Variants in PGD observed in about 807,000 individuals in gnomAD.
PGD encodes the protein 6-phosphogluconate dehydrogenase, decarboxylating.
PGD carries 21 observed loss-of-function variants against 60.4 expected under a neutral mutation model. The ratio of observed to expected loss-of-function variants is 0.35; its 90% CI spans 0.25 to 0.50. The LOEUF is 0.50. PGD is among the 20% of genes least tolerant of loss of function. The pLI is 0.98. For synonymous variants in PGD, 230 were observed against 235.9 expected, an observed-to-expected ratio of 0.97 and a Z score of 0.23; for missense variants, 477 against 613.1, an observed-to-expected ratio of 0.78 and a Z score of 2.34.
intron 8 of PGD, among the ~76,000 whole-genome samples, chr1:10,415,624 T>G (rs1450121748): frequency 6.6e-6 from 1 of 152,214 alleles, no homozygotes; most frequent in African/African-American, 2.4e-5. Context: ...GTGTGTGCAT[T>G]TGGGCCAGGA....
At position 10,419,847 on chromosome 1, in the gene PGD, G is replaced by GT; in HGVS notation, c.*104dup. ...GGCCCTTTGCCCTATTTTCTGTTCA[G>GT]TTTTTTAAAAGTGTTGTAAGAGACT... On this transcript the variant is annotated 3_prime_UTR_variant, in exon 13 of 13. Coordinates refer to ENST00000270776, the MANE Select transcript of PGD (RefSeq NM_002631.4). The GT allele has an allele frequency of 6.9e-7, 1 of 1,446,914 alleles. No individual in the cohort carries two copies. The highest frequency in any genetic ancestry group is 9.5e-7 in the Non-Finnish European group (1 of 1,055,694). 89.6% of individuals were successfully genotyped at this position (1,446,914 alleles called of 1,614,324 possible).
At position 10,419,861 on chromosome 1, in the gene PGD, T is replaced by C. The variant is rs1474527063; in HGVS notation, c.*112T>C. The stretch of plus-strand genomic sequence containing the variant: ...TTTTCTGTTCAGTTTTTTAAAAGTG[T>C]TGTAAGAGACTCCTGAGGAAGACAC... On this transcript the variant is annotated 3_prime_UTR_variant, in exon 13 of 13. Transcript: ENST00000270776. The C allele has an allele frequency of 1.6e-6, 2 of 1,285,380 alleles. No homozygotes were observed. The highest frequency in any genetic ancestry group is 1.1e-6 in the Non-Finnish European group (1 of 915,304). The allele number at this position is 1,285,380 out of a possible 1,614,324, so 79.6% of individuals were successfully genotyped here. A position where few individuals can be genotyped will look rare whatever the true frequency, so the allele number is the denominator to read the frequency against.
At chr1:10,409,588 A>C (rs1197301697) in intron 6 of PGD, among the ~76,000 whole-genome samples, 3 of 148,688 alleles carry the variant, frequency 2.0e-5, no homozygotes, top group Non-Finnish European at 4.5e-5. Flanking sequence ...ACAGAGAGAG[A>C]CCCTGTCTCT....
rs1639530728 is a variant in PGD at position 10,413,254 on chromosome 1, A to AAT, written c.844+4_844+5dup. On this transcript the variant is annotated splice_donor_region_variant and intron_variant, in intron 8 of 12. Transcript: ENST00000270776. Reference sequence around the variant, plus strand: ...CGGCGTACCCGTCACCCTCATTGGTAATGTTATGCTTTTCACATGGGCCCT... The same window carrying AAT: ...CGGCGTACCCGTCACCCTCATTGGTAATATGTTATGCTTTTCACATGGGCCCT... The AAT allele has an allele frequency of 1.2e-6, 2 of 1,612,144 alleles. No individual in the cohort carries two copies. Among genetic ancestry groups the AAT allele is most frequent in the Non-Finnish European group, 1.7e-6 (2 of 1,178,344 alleles).
intron 5 of PGD, 112 bp from the exon 6 acceptor site, chr1:10,407,959 A>AG: frequency 2.7e-6 from 2 of 728,324 alleles, no homozygotes; most frequent in African/African-American, 1.8e-5. Flanking sequence ...AAAAAAAAAA[A>AG]AAAAGAAAGG....
chr1:10,419,472 G>A lies in PGD; in HGVS notation c.1265G>A (p.Cys422Tyr), dbSNP rs756313792. 6.2e-7 allele frequency: 1 copy of A among 1,614,144 alleles called. No individual in the cohort carries two copies. ...GTCCAGGCTGGCATTCCCATGCCCTGTTTTACCACTGCCCTCTCCTTCTAT... is the reference window on the plus strand; with the variant it reads ...GTCCAGGCTGGCATTCCCATGCCCTATTTTACCACTGCCCTCTCCTTCTAT... The part of the protein sequence containing the change: ...TGVQAGIPMP[C>Y]FTTALSFYDG... Residue 422 changes from cysteine to tyrosine, a missense_variant, in exon 12 of 13, where the codon TGT (cysteine) becomes TAT (tyrosine). Physicochemically the swap from Cys to Tyr is radical, Grantham distance 194. Around this residue, in one of 3 missense-constraint regions of PGD, gnomAD observed 431 missense variants for 556.6 expected, o/e 0.77. Transcript: ENST00000270776.
In PGD at chr1:10,408,257, T is replaced by C. The variant is rs1021853698; in HGVS notation, c.519+117T>C. 8.4e-6 allele frequency: 6 copies of C among 710,136 alleles called. No individual in the cohort carries two copies. The African/African-American group carries it at 1.1e-4, about 12-fold the overall frequency. 44.0% of individuals were successfully genotyped at this position (710,136 alleles called of 1,614,324 possible). A position where few individuals can be genotyped will look rare whatever the true frequency, so the allele number is the denominator to read the frequency against. On this transcript the variant is annotated intron_variant, in intron 6 of 12. Transcript: ENST00000270776. Reference sequence around the variant, plus strand: ...GGGTTAGCTTGGTGACATAAACGTCTCGATCTTTGATTGCTAGAATAGCCA... The same window carrying C: ...GGGTTAGCTTGGTGACATAAACGTCCCGATCTTTGATTGCTAGAATAGCCA...
intron 4 of PGD, 56 bp from the exon 5 acceptor site, chr1:10,404,105 A>C (rs905432810): frequency 2.4e-6 from 3 of 1,233,122 alleles, no homozygotes; most frequent in Non-Finnish European, 3.5e-6. Context: ...GCATAATGAA[A>C]CATGGAAGCA....
At chr1:10,411,608 C>T (rs1021647580) in intron 7 of PGD, 56 bp downstream of exon 7, 21 of 1,604,152 alleles carry the variant, frequency 1.3e-5, no homozygotes, top group Admixed American at 3.3e-5. Context: ...CACTTTGCCA[C>T]AGACACCGAA....
chr1:10,413,666 G>A (rs1052803253), intron 8 of PGD, among the ~76,000 whole-genome samples: 2 of 152,160 alleles, frequency 1.3e-5, no homozygotes, highest in Admixed American at 6.6e-5. Context: ...AGCACTTTGG[G>A]AGGCCGAGGC....
intron 4 of PGD, among the ~76,000 whole-genome samples, chr1:10,403,410 C>G (rs111782199): frequency 6.6e-6 from 1 of 151,540 alleles, no homozygotes; most frequent in Non-Finnish European, 1.5e-5. Flanking sequence ...GCTAACATGG[C>G]GAAAACCCGT....
intron 5 of PGD, among the ~76,000 whole-genome samples, chr1:10,404,885 A>T (rs142082081): frequency 2.0e-5 from 3 of 152,164 alleles, no homozygotes; most frequent in African/African-American, 7.2e-5. Flanking sequence ...TTTAGCTGAT[A>T]TATAACCCAA....
chr1:10,403,034 A>G (rs1639340828), intron 3 of PGD, 37 bp from the exon 4 acceptor site: 4 of 1,347,022 alleles, frequency 3.0e-6, no homozygotes, highest in Non-Finnish European at 4.3e-6. Context: ...GGTATGTTTC[A>G]TTTTTGGTCC....
At chr1:10,416,958 T>C (rs761543739) in intron 8 of PGD, 29 bp from the exon 9 acceptor site, 1 of 1,609,558 alleles carries the variant, frequency 6.2e-7, no homozygotes, top group African/African-American at 1.3e-5. Context: ...GACAGTAATC[T>C]GTTTCCTCTT....
chr1:10,411,202 G>A (rs1465067804), intron 6 of PGD, among the ~76,000 whole-genome samples: 3 of 152,174 alleles, frequency 2.0e-5, no homozygotes, highest in Non-Finnish European at 2.9e-5. Flanking sequence ...AGAAGAATGA[G>A]TCTAGAATTA....
intron 1 of PGD, 39 bp from the exon 2 acceptor site, chr1:10,399,590 G>T (rs765749137): frequency 6.3e-7 from 1 of 1,586,450 alleles, no homozygotes; most frequent in Non-Finnish European, 8.6e-7. Flanking sequence ...GCGTCGAGCG[G>T]TGCTGACTCT....
At chr1:10,399,536 C>A in intron 1 of PGD, 93 bp from the exon 2 acceptor site, 1 of 1,140,712 alleles carries the variant, frequency 8.8e-7, no homozygotes, top group East Asian at 2.4e-5. Flanking sequence ...TGCAGACTCC[C>A]AGTCACGGCC....
chr1:10,399,393 C>G (rs1393074601), intron 1 of PGD: 2 of 490,276 alleles, frequency 4.1e-6, no homozygotes, highest in African/African-American at 4.1e-5. Context: ...CTCGCCGAGT[C>G]TGCAGGGACA....
intron 8 of PGD, among the ~76,000 whole-genome samples, chr1:10,414,083 T>C (rs755526057): frequency 1.3e-5 from 2 of 152,146 alleles, no homozygotes; most frequent in Non-Finnish European, 2.9e-5. Flanking sequence ...GAATAACATA[T>C]GCTTGTGTAC....
Sources: gnomAD v4.1 joint callset for allele counts (sites outside exome capture counted in the v4.1 genomes callset) on GRCh38, gnomAD v4.1.1 for gene constraint, gnomAD v4.1.1 regional missense constraint, MANE v1.5 for transcripts, NCBI Gene and HGNC (gene_info 2026-07-23, HGNC 2026-07-21) for gene names.